IKZF4: variants seen among roughly 807,000 people sequenced by gnomAD.
IKZF4 encodes zinc finger protein Eos.
In IKZF4, 11 loss-of-function variants were observed where a neutral mutation model predicts 47.7. The ratio of observed to expected loss-of-function variants is 0.23; its 90% CI spans 0.15 to 0.38. The LOEUF (loss-of-function observed/expected upper bound fraction) is 0.38. Among genes scored for constraint, IKZF4 ranks in the 10% least tolerant of loss-of-function variants. The pLI, the probability that IKZF4 is intolerant of heterozygous loss-of-function variation, is 1.00. For missense variants in IKZF4, 557 were observed against 784.9 expected (o/e 0.71, Z 3.47); for synonymous variants, 298 against 299.4 (o/e 1.00, Z 0.05).
rs1392906326 is a variant in IKZF4, at chr12:56,008,621, A to AC, written c.-292+891dup. Among the ~76,000 whole-genome samples the AC allele has an allele frequency of 4.0e-5, 6 of 150,274 alleles. No homozygotes were observed. In the East Asian group the frequency reaches 1.2e-3, roughly 29 times the overall value. On this transcript the variant is annotated intron_variant, in intron 1 of 11. Transcript: ENST00000262032. ...TTTCGATATGCTTATGAAATATTGTACCCCAATCCCCATCCAAGGTCAAGA... is the reference window on the plus strand; with the variant it reads ...TTTCGATATGCTTATGAAATATTGTACCCCCAATCCCCATCCAAGGTCAAGA...
chr12:56,027,641 G>A, intron 4 of IKZF4, 139 bp from the exon 5 acceptor site: 3 of 800,638 alleles, frequency 3.7e-6, no homozygotes, highest in Non-Finnish European at 6.3e-6. Flanking sequence ...ATCAGGGTTT[G>A]TGTGCATTGC....
intron 2 of IKZF4, chr12:56,011,531 G>A (rs1891325033): frequency 6.6e-6 from 1 of 152,172 alleles, no homozygotes; most frequent in Admixed American, 6.6e-5. Flanking sequence ...TGTGTTTTCA[G>A]CTCTTACCCC....
intron 6 of IKZF4, 59 bp from the exon 7 acceptor site, chr12:56,033,131 G>A: frequency 2.5e-6 from 4 of 1,594,182 alleles, no homozygotes; most frequent in South Asian, 1.1e-5. Context: ...GGCAAAGGCT[G>A]TGGGGCCAAT....
At chr12:56,028,953 G>A (rs1454048217) in intron 5 of IKZF4, among the ~76,000 whole-genome samples, 2 of 151,966 alleles carry the variant, frequency 1.3e-5, no homozygotes, top group African/African-American at 4.8e-5. Flanking sequence ...CTAAGCCCCT[G>A]GGAAATCCCT....
intron 1 of IKZF4, 57 bp downstream of exon 1, chr12:56,021,637 G>A (rs1200191812): frequency 1.9e-6 from 3 of 1,557,802 alleles, no homozygotes; most frequent in Non-Finnish European, 2.6e-6. Flanking sequence ...TGGGGCTAGG[G>A]AGCCAATTCA....
At chr12:56,028,019 C>T in intron 5 of IKZF4, 72 bp downstream of exon 5, 2 of 1,437,064 alleles carry the variant, frequency 1.4e-6, no homozygotes, top group Non-Finnish European at 1.8e-6. Flanking sequence ...AGTGACTTCT[C>T]TTGTATTTGG....
At position 56,021,688 on chromosome 12, in the gene IKZF4, CTGTGTGTGTGTGTGTGTGTGTGTG is replaced by C. The variant is rs67296911; in HGVS notation, c.87+128_87+151del. 629 of 658,876 alleles carry C rather than the reference CTGTGTGTGTGTGTGTGTGTGTGTG, an allele frequency of 9.5e-4. 1 individual carries two copies. The African/African-American group carries it at 0.012, about 12-fold the overall frequency. The allele number at this position is 658,876 out of a possible 1,614,324, so 40.8% of individuals were successfully genotyped here. On this transcript the variant is annotated intron_variant, in intron 1 of 7. Coordinates refer to ENST00000547167, the MANE Select transcript of IKZF4 (RefSeq NM_022465.4). Reference sequence around the variant, plus strand: ...CCTGAGGAGATGGAGAGGATGGGGGCTGTGTGTGTGTGTGTGTGTGTGTGTGTGTGTGTGTGTGTGTGTAGCGGG... The same window carrying C: ...CCTGAGGAGATGGAGAGGATGGGGGCTGTGTGTGTGTGTGTGTGTAGCGGG...
At chr12:56,020,863 G>A (rs193144182), upstream of IKZF4, 674 of 906,154 alleles carry the variant, frequency 7.4e-4, no homozygotes, top group Non-Finnish European at 8.6e-4. Context: ...AGGAGGGAAA[G>A]AGTTCGGTGG....
intron 2 of IKZF4, among the ~76,000 whole-genome samples, chr12:56,013,818 A>G (rs1891647083): frequency 6.6e-6 from 1 of 152,168 alleles, no homozygotes; most frequent in South Asian, 2.1e-4. Context: ...GTTTCAATCC[A>G]ATGCCCTCTC....
chr12:56,030,170 G>C (rs1018361839), intron 5 of IKZF4, among the ~76,000 whole-genome samples: 2 of 151,978 alleles, frequency 1.3e-5, no homozygotes, highest in Non-Finnish European at 2.9e-5. Context: ...CATCCCAGCA[G>C]TTTGGGAAGC....
chr12:56,015,327 C>T (rs958067799), intron 2 of IKZF4, among the ~76,000 whole-genome samples: 7 of 151,360 alleles, frequency 4.6e-5, no homozygotes, highest in Non-Finnish European at 8.8e-5. Context: ...CGCCCGCCTC[C>T]GCCTCCCAAA....
chr12:56,025,298 C>A, intron 3 of IKZF4, 140 bp downstream of exon 3: 1 of 961,626 alleles, frequency 1.0e-6, no homozygotes, highest in Non-Finnish European at 1.5e-6. Context: ...CAATGAGGAG[C>A]CCAGTGTCTA....
intron 1 of IKZF4, among the ~76,000 whole-genome samples, chr12:56,008,473 C>T (rs1266931625): frequency 2.0e-5 from 3 of 152,058 alleles, no homozygotes; most frequent in Non-Finnish European, 4.4e-5. Context: ...TATTTTCTTA[C>T]CTCATGGCTG....
At chr12:56,017,681 A>C (rs887772287), upstream of IKZF4, among the ~76,000 whole-genome samples, 1 of 152,036 alleles carries the variant, frequency 6.6e-6, no homozygotes, top group African/African-American at 2.4e-5. Context: ...GTTGTCTTTC[A>C]CCAGGACAAA....
At chr12:56,019,341 G>A (rs1892550279), upstream of IKZF4, 1 of 984,334 alleles carries the variant, frequency 1.0e-6, no homozygotes, top group Non-Finnish European at 1.2e-6. Flanking sequence ...GGAATTATTG[G>A]CATGCACTAA....
At chr12:56,013,134 G>C (rs1176345082) in intron 2 of IKZF4, among the ~76,000 whole-genome samples, 1 of 152,062 alleles carries the variant, frequency 6.6e-6, no homozygotes, top group South Asian at 2.1e-4. Flanking sequence ...TTTGTATTCA[G>C]CTCACAGCTG....
intron 1 of IKZF4, 167 bp downstream of exon 1, chr12:56,021,747 G>A (rs1198396646): frequency 2.1e-5 from 22 of 1,044,552 alleles, no homozygotes; most frequent in Non-Finnish European, 2.9e-5. Flanking sequence ...GGGAGGGGGC[G>A]TTCCTCCTTA....
Position 56,030,821 on chromosome 12 carries a change from T to C in IKZF4, c.716-1740T>C, listed in dbSNP as rs372406033. On this transcript the variant is annotated intron_variant, in intron 5 of 7. Coordinates refer to ENST00000547167, the MANE Select transcript of IKZF4 (RefSeq NM_022465.4). ...AGGTGGATAGCGAGAGGCTGGTTAA[T>C]GGGTACAAGATTACAGTTAGATGGG... Among the ~76,000 whole-genome samples, 83 of 152,068 alleles carry C rather than the reference T, an allele frequency of 5.5e-4. No homozygotes were observed. The South Asian group carries it at 0.017, about 31-fold the overall frequency.
intron 1 of IKZF4, among the ~76,000 whole-genome samples, chr12:56,008,668 G>GA (rs1314650710): frequency 8.7e-4 from 100 of 115,350 alleles, no homozygotes; most frequent in African/African-American, 2.8e-3. Flanking sequence ...CTGCTTCCAG[G>GA]AAATTTTTTT....
Sources: gnomAD v4.1 joint callset for allele counts (sites outside exome capture counted in the v4.1 genomes callset) on GRCh38, gnomAD v4.1.1 for gene constraint, MANE v1.5 for transcripts, NCBI Gene and HGNC (gene_info 2026-07-23, HGNC 2026-07-21) for gene names.